The following KIF26B variants were observed in gnomAD, a reference collection of about 807,000 sequenced individuals.
KIF26B encodes the protein kinesin family member 26B.
KIF26B carries 63 observed loss-of-function variants against 151.2 expected under a neutral mutation model. That is an observed-to-expected ratio of 0.42 (90% CI 0.34 to 0.51). The LOEUF (loss-of-function observed/expected upper bound fraction) is 0.51. KIF26B is among the 20% of genes least tolerant of loss of function. KIF26B has a pLI of 0.07. For missense variants in KIF26B, 2,813 were observed against 2,913.6 expected (o/e 0.97, Z 0.79); for synonymous variants, 1,357 against 1,262.1 (o/e 1.08, Z -1.59).
At chr1:245,593,718 C>T (rs2103138749) in intron 5 of KIF26B, among the ~76,000 whole-genome samples, 1 of 152,298 alleles carries the variant, frequency 6.6e-6, no homozygotes, top group East Asian at 1.9e-4. Flanking sequence ...AATGGTATTT[C>T]TGGTTCTAGA....
At position 245,609,416 on chromosome 1, in the gene KIF26B, G is replaced by A. The variant is rs752605304; in HGVS notation, c.1802G>A (p.Trp601Ter). The part of the protein sequence containing the change: ...FSVRVSAVEV[W>*]GKEENLRDLL... ...GTCCGGGTTTCCGCCGTGGAAGTGT[G>A]GGGGAAGGAGGAGAACCTGCGGGAC... is the stretch of plus-strand genomic sequence containing the variant. Residue 601 changes from tryptophan to a stop codon, truncating the protein, a stop_gained, in exon 8 of 15, where the codon TGG (tryptophan) becomes TAG (stop). Transcript: ENST00000407071. LOFTEE classifies it high-confidence loss of function. 2 of 1,608,960 alleles carry A rather than the reference G, an allele frequency of 1.2e-6. No individual in the cohort carries two copies. The highest frequency in any genetic ancestry group is 8.5e-7 in the Non-Finnish European group (1 of 1,177,780).
chr1:245,195,668 C>A (rs1435317196), intron 2 of KIF26B, among the ~76,000 whole-genome samples: 2 of 152,188 alleles, frequency 1.3e-5, no homozygotes, highest in Admixed American at 6.5e-5. Flanking sequence ...TGTCGAGTGC[C>A]CTGGGAAGGC....
chr1:245,241,310 C>A lies in KIF26B; in HGVS notation c.465+84627C>A, dbSNP rs184585005. Among the ~76,000 whole-genome samples, 61 of 152,038 alleles carry A rather than the reference C, an allele frequency of 4.0e-4. No homozygotes were observed. The highest frequency in any genetic ancestry group is 1.3e-3 in the African/African-American group (56 of 41,482). On this transcript the variant is annotated intron_variant, in intron 2 of 14. Transcript: ENST00000407071. This position sits in a 1 kb window ranked among gnomAD's most constrained non-coding sequence, Gnocchi z 5.0. ...GGTGCCCCGACAGAGGAAAAGCGGC[C>A]GGTGGGTTTTAGATCCTCATTTGGC...
At chr1:245,194,746 A>T (rs966849739) in intron 2 of KIF26B, among the ~76,000 whole-genome samples, 1 of 152,182 alleles carries the variant, frequency 6.6e-6, no homozygotes, top group Non-Finnish European at 1.5e-5. Context: ...CTCAAATGAA[A>T]TGCTGGCCCT....
At chr1:245,234,043 G>T (rs1421129980) in intron 2 of KIF26B, among the ~76,000 whole-genome samples, 2 of 152,014 alleles carry the variant, frequency 1.3e-5, no homozygotes, top group East Asian at 3.9e-4. Flanking sequence ...AATTAGCTGG[G>T]CATGGTGGCG....
intron 2 of KIF26B, among the ~76,000 whole-genome samples, chr1:245,184,689 C>G (rs1043665964): frequency 6.6e-6 from 1 of 152,208 alleles, no homozygotes. Flanking sequence ...TTGTTACCTT[C>G]AAGAGAGCAG....
In KIF26B at chr1:245,611,964, G is replaced by C. The variant is rs367682555; in HGVS notation, c.2086G>C (p.Gly696Arg). ...CTACCAGTACCGGATGGAGAAGAGC[G>C]GGAAAGGGGGAAGTAAGTCGGCCAC... ...HIYQYRMEKS[G>R]KGGMSGGRSR... The change falls in exon 9 of 15, where the codon GGG becomes CGG. Residue 696 changes from glycine (G) to arginine (R), a missense_variant. Coordinates refer to ENST00000407071, the MANE Select transcript of KIF26B (RefSeq NM_018012.4). 9.3e-6 allele frequency: 15 copies of C among 1,611,596 alleles called. No homozygotes were observed. The highest frequency in any genetic ancestry group is 1.3e-5 in the African/African-American group (1 of 74,868).
At chr1:245,334,732 G>A (rs1302678899) in intron 2 of KIF26B, among the ~76,000 whole-genome samples, 1 of 152,190 alleles carries the variant, frequency 6.6e-6, no homozygotes, top group Non-Finnish European at 1.5e-5. Context: ...TAGAGTGTGT[G>A]TCTATTTTCT....
At chr1:245,265,236 G>A (rs1013915336) in intron 2 of KIF26B, among the ~76,000 whole-genome samples, 4 of 150,214 alleles carry the variant, frequency 2.7e-5, no homozygotes, top group South Asian at 4.2e-4. Context: ...TGAGAAATAC[G>A]GAGAGACTTA....
chr1:245,652,555 ATTTTC>A (rs1009822248), intron 10 of KIF26B, among the ~76,000 whole-genome samples: 1 of 151,958 alleles, frequency 6.6e-6, no homozygotes, highest in African/African-American at 2.4e-5. Flanking sequence ...GATTGTTATT[ATTTTC>A]TTAAGAGTTG....
intron 5 of KIF26B, among the ~76,000 whole-genome samples, chr1:245,592,262 G>A (rs1029710288): frequency 3.3e-5 from 5 of 152,192 alleles, no homozygotes; most frequent in Non-Finnish European, 7.3e-5. Context: ...GAAGCCAGCC[G>A]CCCAGGGTGC....
At chr1:245,596,844 T>C (rs190544250) in intron 5 of KIF26B, among the ~76,000 whole-genome samples, 1 of 152,220 alleles carries the variant, frequency 6.6e-6, no homozygotes, top group Admixed American at 6.5e-5. Context: ...ATATTTAGGA[T>C]CATTAGCTCT....
intron 3 of KIF26B, among the ~76,000 whole-genome samples, chr1:245,418,890 A>T (rs1039106758): frequency 2.4e-4 from 36 of 152,184 alleles, no homozygotes; most frequent in African/African-American, 8.4e-4. Flanking sequence ...AAATGGACCG[A>T]GCTCCATCCA....
At chr1:245,310,593 T>C (rs1225732082) in intron 2 of KIF26B, among the ~76,000 whole-genome samples, 1 of 152,088 alleles carries the variant, frequency 6.6e-6, no homozygotes, top group East Asian at 1.9e-4. Context: ...CTCTCAGCGG[T>C]GAAAATGGGG....
Position 245,166,147 on chromosome 1 carries a change from G to A in KIF26B, c.465+9464G>A, listed in dbSNP as rs1435590657. Among the ~76,000 whole-genome samples, 2 of 152,256 alleles carry A rather than the reference G, an allele frequency of 1.3e-5. No homozygotes were observed. The highest frequency in any genetic ancestry group is 2.4e-5 in the African/African-American group (1 of 41,536). On this transcript the variant is annotated intron_variant, in intron 2 of 14. Transcript: ENST00000407071. The surrounding 1 kb of genome is among the most constrained non-coding windows in gnomAD (Gnocchi z 4.5). ...ATGACAGAGCCCCACCAGGAGGATCGTGAGGATTAGGTGAAATTGTGAGAT... is the reference window on the plus strand; with the variant it reads ...ATGACAGAGCCCCACCAGGAGGATCATGAGGATTAGGTGAAATTGTGAGAT...
At chr1:245,650,790 G>T (rs1210349098) in intron 10 of KIF26B, among the ~76,000 whole-genome samples, 1 of 152,214 alleles carries the variant, frequency 6.6e-6, no homozygotes, top group South Asian at 2.1e-4. Context: ...AAGAGTTCAT[G>T]GAAAGTCCTT....
At chr1:245,226,473 T>C (rs1289334098) in intron 2 of KIF26B, among the ~76,000 whole-genome samples, 1 of 152,106 alleles carries the variant, frequency 6.6e-6, no homozygotes, top group Non-Finnish European at 1.5e-5. Context: ...TTTTTTTGTT[T>C]TTTTGTACAC....
chr1:245,554,860 G>T (rs889845142), intron 5 of KIF26B, among the ~76,000 whole-genome samples: 5 of 152,192 alleles, frequency 3.3e-5, no homozygotes, highest in African/African-American at 1.2e-4. Context: ...TGTAAAACGT[G>T]TGCTCATACA....
chr1:245,307,436 C>G (rs1671576002), intron 2 of KIF26B, among the ~76,000 whole-genome samples: 1 of 152,024 alleles, frequency 6.6e-6, no homozygotes, highest in Non-Finnish European at 1.5e-5. Flanking sequence ...TGATAAGCCC[C>G]TAATATCTAT....
Sources: gnomAD v4.1 joint callset for allele counts (sites outside exome capture counted in the v4.1 genomes callset) on GRCh38, gnomAD v4.1.1 for gene constraint, Gnocchi (gnomAD v3.1) non-coding constraint, MANE v1.5 for transcripts, NCBI Gene and HGNC (gene_info 2026-07-23, HGNC 2026-07-21) for gene names.